Variants in GALNTL6 observed in about 807,000 individuals in gnomAD.
GALNTL6 encodes the protein polypeptide N-acetylgalactosaminyltransferase-like 6.
Under a neutral mutation model 73.7 loss-of-function variants are expected in GALNTL6, and 46 were observed. The observed-to-expected ratio is 0.62, with a 90% CI of 0.49 to 0.80. GALNTL6 has a LOEUF of 0.80. Ranked by LOEUF, GALNTL6 falls within the 30% of genes least tolerant of loss-of-function variation. GALNTL6 has a pLI of 0.00. For synonymous variants in GALNTL6, 259 were observed against 263.7 expected (o/e 0.98, Z 0.17); for missense variants, 604 against 755.0 (o/e 0.80, Z 2.34).
chr4:172,372,983 A>T (rs1398132331), intron 5 of GALNTL6, among the ~76,000 whole-genome samples: 1 of 152,158 alleles, frequency 6.6e-6, no homozygotes, highest in African/African-American at 2.4e-5. Flanking sequence ...TGGGCTTTCG[A>T]CCTACACACC....
At chr4:172,389,605 TATTGGCTGCATCTGA>T (rs1173503957) in intron 5 of GALNTL6, among the ~76,000 whole-genome samples, 1 of 152,120 alleles carries the variant, frequency 6.6e-6, no homozygotes, top group African/African-American at 2.4e-5. Context: ...AAGCTCAGTG[TATTGGCTGCATCTGA>T]AGAAGGTAGG....
At chr4:171,920,545 A>G (rs561563387) in intron 2 of GALNTL6, among the ~76,000 whole-genome samples, 34 of 152,274 alleles carry the variant, frequency 2.2e-4, no homozygotes, top group African/African-American at 7.9e-4. Context: ...TATAAACAAG[A>G]AGAGTTTATT....
At chr4:172,206,886 C>G (rs1736147072) in intron 2 of GALNTL6, among the ~76,000 whole-genome samples, 1 of 131,768 alleles carries the variant, frequency 7.6e-6, no homozygotes, top group African/African-American at 2.9e-5. Flanking sequence ...GGTGTGATCT[C>G]CACTCACTGC....
At chr4:172,268,893 A>G (rs1738543144) in intron 3 of GALNTL6, among the ~76,000 whole-genome samples, 1 of 152,152 alleles carries the variant, frequency 6.6e-6, no homozygotes, top group African/African-American at 2.4e-5. Context: ...TAATCTTCAC[A>G]GTCTTTAGAA....
At chr4:172,352,355 G>A (rs984469902) in intron 5 of GALNTL6, among the ~76,000 whole-genome samples, 5 of 152,110 alleles carry the variant, frequency 3.3e-5, no homozygotes, top group African/African-American at 1.2e-4. Context: ...TGAAGGTAAA[G>A]GCCTGCAGGT....
intron 8 of GALNTL6, among the ~76,000 whole-genome samples, chr4:172,925,266 G>T (rs1747998979): frequency 1.3e-5 from 2 of 151,354 alleles, no homozygotes; most frequent in South Asian, 2.1e-4. Flanking sequence ...ACTGAATTTA[G>T]AATTTAAAAA....
At chr4:171,833,022 C>A (rs1216129641) in intron 2 of GALNTL6, among the ~76,000 whole-genome samples, 2 of 151,672 alleles carry the variant, frequency 1.3e-5, no homozygotes, top group African/African-American at 2.4e-5. Flanking sequence ...TATAAAATAT[C>A]ATGGAATGGT....
intron 2 of GALNTL6, among the ~76,000 whole-genome samples, chr4:172,149,772 A>G (rs1239675514): frequency 6.6e-6 from 1 of 152,218 alleles, no homozygotes; most frequent in East Asian, 1.9e-4. Flanking sequence ...ATCACCAGCA[A>G]ACACTTGTTG....
chr4:171,868,826 C>T lies in GALNTL6; in HGVS notation c.138+54108C>T, dbSNP rs967436918. Among the ~76,000 whole-genome samples the T allele has an allele frequency of 7.9e-5, 12 of 152,078 alleles. No individual in the cohort carries two copies. The South Asian group carries it at 8.3e-4, about 10-fold the overall frequency. The stretch of plus-strand genomic sequence containing the variant: ...CCTCCTGAGTAGCCAGGATTACAGG[C>T]GTGGGCCCCCACCTGGCTAAGTTTT... On this transcript the variant is annotated intron_variant, in intron 2 of 12. Coordinates refer to ENST00000506823, the MANE Select transcript of GALNTL6 (RefSeq NM_001034845.3).
intron 5 of GALNTL6, among the ~76,000 whole-genome samples, chr4:172,359,245 G>GC (rs2111235791): frequency 6.6e-6 from 1 of 152,280 alleles, no homozygotes; most frequent in African/African-American, 2.4e-5. Flanking sequence ...CATAGATGGA[G>GC]CTGGAGGCCA....
At chr4:172,471,403 T>A (rs1733043443) in intron 5 of GALNTL6, among the ~76,000 whole-genome samples, 1 of 152,218 alleles carries the variant, frequency 6.6e-6, no homozygotes, top group Admixed American at 6.5e-5. Context: ...CCCTTTCCAT[T>A]CAAACTTAAT....
chr4:172,568,954 A>T (rs1736665991), intron 5 of GALNTL6, among the ~76,000 whole-genome samples: 1 of 151,338 alleles, frequency 6.6e-6, no homozygotes, highest in South Asian at 2.1e-4. Context: ...GTGTTAGTGT[A>T]TTTTATGTGT....
At position 172,374,786 on chromosome 4, in the gene GALNTL6, G is replaced by T. The variant is rs943245895; in HGVS notation, c.553+26097G>T. On this transcript the variant is annotated intron_variant, in intron 5 of 12. Coordinates refer to ENST00000506823, the MANE Select transcript of GALNTL6 (RefSeq NM_001034845.3). Reference sequence around the variant, plus strand: ...TCCAAACTCTCAAGCTGCAGCTAAAGCTGCATTCTTTTCATTAGAGGCCAG... The same window carrying T: ...TCCAAACTCTCAAGCTGCAGCTAAATCTGCATTCTTTTCATTAGAGGCCAG... 2.6e-5 allele frequency among the ~76,000 whole-genome samples: 4 copies of T among 152,230 alleles called. No individual in the cohort carries two copies. The East Asian group carries it at 5.8e-4, about 22-fold the overall frequency.
intron 2 of GALNTL6, among the ~76,000 whole-genome samples, chr4:172,215,962 A>C (rs2110937062): frequency 6.6e-6 from 1 of 152,244 alleles, no homozygotes; most frequent in Middle Eastern, 3.4e-3. Context: ...TCTATGTACC[A>C]GTTCTTTCCT....
intron 3 of GALNTL6, among the ~76,000 whole-genome samples, chr4:172,298,552 A>T (rs1476956671): frequency 6.6e-6 from 1 of 151,964 alleles, no homozygotes; most frequent in African/African-American, 2.4e-5. Flanking sequence ...TCAATACCTA[A>T]TTTATTGAGA....
chr4:171,900,594 A>C (rs1260854189), intron 2 of GALNTL6, among the ~76,000 whole-genome samples: 1 of 151,852 alleles, frequency 6.6e-6, no homozygotes, highest in East Asian at 1.9e-4. Flanking sequence ...CTGGGATTAC[A>C]TGTGTGAGCC....
At chr4:173,027,261 G>A (rs979283858) in intron 12 of GALNTL6, among the ~76,000 whole-genome samples, 1 of 152,186 alleles carries the variant, frequency 6.6e-6, no homozygotes, top group African/African-American at 2.4e-5. Flanking sequence ...GGGATTACAG[G>A]CGTGAGCCAC....
At chr4:171,950,595 T>C (rs973885755) in intron 2 of GALNTL6, among the ~76,000 whole-genome samples, 6 of 151,514 alleles carry the variant, frequency 4.0e-5, no homozygotes, top group Non-Finnish European at 8.8e-5. Flanking sequence ...TTCTCCTGCC[T>C]CAGCCTCCCG....
chr4:172,847,594 G>A (rs894156905), intron 7 of GALNTL6, among the ~76,000 whole-genome samples: 6 of 152,096 alleles, frequency 3.9e-5, no homozygotes, highest in Non-Finnish European at 8.8e-5. Flanking sequence ...CAAAGGTTGT[G>A]ATGGATGAAT....
Sources: allele counts gnomAD v4.1 joint callset (sites outside exome capture counted in the v4.1 genomes callset), GRCh38; gene constraint gnomAD v4.1.1; transcripts MANE v1.5; gene names NCBI Gene and HGNC (gene_info 2026-07-23, HGNC 2026-07-21).